DNAH17: variants seen among roughly 807,000 people sequenced by gnomAD.
The protein encoded by DNAH17 is dynein axonemal heavy chain 17.
Under a neutral mutation model 485.6 loss-of-function variants are expected in DNAH17, and 376 were observed. That is an observed-to-expected ratio of 0.77 (90% confidence interval 0.71 to 0.84). The LOEUF is 0.84. Among genes scored for constraint, DNAH17 ranks in the 40% least tolerant of loss-of-function variants. DNAH17 has a pLI of 0.00. For missense variants in DNAH17, 6,370 were observed against 5,839.3 expected (o/e 1.09, Z -2.96); for synonymous variants, 3,031 against 2,405.9 (o/e 1.26, Z -7.60).
chr17:78,453,231 G>A (rs2087631469), intron 65 of DNAH17, 112 bp downstream of exon 65: 3 of 1,443,026 alleles, frequency 2.1e-6, no homozygotes, highest in African/African-American at 1.4e-5. Context: ...AGCCCTTGCT[G>A]CTTACCAGGG....
intron 61 of DNAH17, 156 bp downstream of exon 61, chr17:78,458,845 G>T: frequency 9.6e-7 from 1 of 1,043,056 alleles, no homozygotes; most frequent in Non-Finnish European, 1.4e-6. Context: ...GCGGCTCCCG[G>T]CACCATCTGG....
At chr17:78,557,961 TAA>T in intron 14 of DNAH17, 145 bp downstream of exon 14, 1 of 1,000,834 alleles carries the variant, frequency 1.0e-6, no homozygotes. Flanking sequence ...AGGTACTCAG[TAA>T]GTATGCAGTG....
chr17:78,524,510 G>A (rs1260183494), intron 25 of DNAH17, among the ~76,000 whole-genome samples: 2 of 152,134 alleles, frequency 1.3e-5, no homozygotes, highest in Non-Finnish European at 1.5e-5. Context: ...CACCACATGA[G>A]GATGCAGTGA....
chr17:78,547,645 TCTCA>T (rs2091800275), intron 16 of DNAH17, among the ~76,000 whole-genome samples: 2 of 147,884 alleles, frequency 1.4e-5, no homozygotes, highest in Admixed American at 1.4e-4. Flanking sequence ...TGAGATGGAG[TCTCA>T]CTCTGTCTCC....
intron 15 of DNAH17, 74 bp from the exon 16 acceptor site, chr17:78,551,712 T>A (rs538759414): frequency 1.4e-6 from 2 of 1,474,616 alleles, no homozygotes; most frequent in Non-Finnish European, 1.9e-6. Context: ...GCTTGTAATC[T>A]CAGCCCTTTG....
intron 20 of DNAH17, among the ~76,000 whole-genome samples, chr17:78,531,312 T>TTAC (rs1445251669): frequency 1.3e-5 from 2 of 152,092 alleles, no homozygotes; most frequent in Non-Finnish European, 2.9e-5. Context: ...TGGTCTCGTT[T>TTAC]TACTGTTTGT....
chr17:78,493,229 A>C, intron 41 of DNAH17: 1 of 159,162 alleles, frequency 6.3e-6, no homozygotes, highest in Non-Finnish European at 1.4e-5. Context: ...GTGAGTTTAC[A>C]CCCCCCAACC....
intron 26 of DNAH17, among the ~76,000 whole-genome samples, chr17:78,513,593 G>A (rs372243113): frequency 5.3e-5 from 8 of 152,112 alleles, no homozygotes; most frequent in Non-Finnish European, 1.0e-4. Context: ...GCGCTACCAC[G>A]CTCGGCTGAT....
chr17:78,501,006 C>T, intron 35 of DNAH17, 178 bp downstream of exon 35: 1 of 673,458 alleles, frequency 1.5e-6, no homozygotes, highest in Non-Finnish European at 2.2e-6. Context: ...CCCAAGGCCA[C>T]ACAGCCGGTG....
intron 54 of DNAH17, among the ~76,000 whole-genome samples, chr17:78,471,345 G>A (rs1008248865): frequency 1.2e-4 from 18 of 152,142 alleles, no homozygotes; most frequent in African/African-American, 3.9e-4. Flanking sequence ...GCAGCAGGTG[G>A]GCCGCAGGTG....
At chr17:78,469,150 C>CT (rs888053961) in intron 54 of DNAH17, among the ~76,000 whole-genome samples, 16 of 139,882 alleles carry the variant, frequency 1.1e-4, no homozygotes, top group East Asian at 5.9e-4. Context: ...CTGTCTTTTT[C>CT]TTTTTTTTTG....
chr17:78,496,910 G>T (rs1487380068), intron 37 of DNAH17: 1 of 151,562 alleles, frequency 6.6e-6, no homozygotes, highest in African/African-American at 2.4e-5. Flanking sequence ...CTGACCTCGT[G>T]ATCCGCCCGC....
In DNAH17 at chr17:78,480,768, C is replaced by T. The variant is rs897673313; in HGVS notation, c.7668G>A (p.Leu2556=). ...DHRHWYDRHK[L]TLKDIHNCQY... ...GACAATTATGGATATCTTTTAACGT[C>T]AGCTTATGTCTGTCATACCTGAGGG... is the stretch of plus-strand genomic sequence containing the variant. Residue 2556 remains leucine (L), a synonymous_variant, in exon 49 of 81, where the codon CTG becomes CTA. Transcript: ENST00000389840. 3.1e-6 allele frequency: 5 copies of T among 1,613,100 alleles called. No homozygotes were observed. The highest frequency in any genetic ancestry group is 3.4e-6 in the Non-Finnish European group (4 of 1,179,656).
chr17:78,440,461 T>C (rs372661153), intron 72 of DNAH17, among the ~76,000 whole-genome samples: 2 of 152,070 alleles, frequency 1.3e-5, no homozygotes, highest in African/African-American at 4.8e-5. Flanking sequence ...GGTTTTGCCA[T>C]GTTGCCAAGG....
intron 51 of DNAH17, 61 bp downstream of exon 51, chr17:78,478,964 C>T (rs1004248270): frequency 7.1e-7 from 1 of 1,417,808 alleles, no homozygotes; most frequent in Non-Finnish European, 9.9e-7. Flanking sequence ...ATGAGGAAAG[C>T]ACCTGTGGAT....
In DNAH17 at chr17:78,485,660, C is replaced by T. The variant is rs1358339618; in HGVS notation, c.7373G>A (p.Gly2458Glu). ...CCCCATCAGCACCGACTTGCCCGTC[C>T]CCGCGTTCCCCACCAGCATCACCGG... ...SWPVMLVGNA[G>E]TGKSVLMGDK... The change falls in exon 47 of 81, where the codon GGG becomes GAG. Residue 2458 changes from glycine (G) to glutamate (E), a missense_variant. Transcript: ENST00000389840. 6.2e-7 allele frequency: 1 copy of T among 1,613,868 alleles called. No individual in the cohort carries two copies. Among genetic ancestry groups the T allele is most frequent in the Non-Finnish European group, 8.5e-7 (1 of 1,179,900 alleles).
intron 14 of DNAH17, among the ~76,000 whole-genome samples, chr17:78,557,197 A>G (rs1489991184): frequency 6.6e-6 from 1 of 152,194 alleles, no homozygotes; most frequent in Non-Finnish European, 1.5e-5. Flanking sequence ...TCCTCATGAT[A>G]ATCCTACTCT....
At chr17:78,537,533 T>A (rs191619489) in intron 18 of DNAH17, 52 bp from the exon 19 acceptor site, 81 of 1,579,178 alleles carry the variant, frequency 5.1e-5, no homozygotes, top group Admixed American at 2.2e-4. Context: ...CTCCATCGGA[T>A]GATTCTCAGT....
At chr17:78,463,522 G>A (rs945822104) in intron 56 of DNAH17, among the ~76,000 whole-genome samples, 2 of 151,954 alleles carry the variant, frequency 1.3e-5, no homozygotes, top group Admixed American at 6.5e-5. Context: ...TCACATACCT[G>A]CATATGTACA....
Sources: gnomAD v4.1 joint callset for allele counts (sites outside exome capture counted in the v4.1 genomes callset) on GRCh38, gnomAD v4.1.1 for gene constraint, MANE v1.5 for transcripts, NCBI Gene and HGNC (gene_info 2026-07-23, HGNC 2026-07-21) for gene names.